PDE10A: variants seen among roughly 807,000 people sequenced by gnomAD.
The protein encoded by PDE10A is phosphodiesterase 10A, also known as cAMP and cAMP-inhibited cGMP 3',5'-cyclic phosphodiesterase 10A.
A neutral mutation model predicts 97.7 loss-of-function variants in PDE10A; 39 were observed. The ratio of observed to expected loss-of-function variants is 0.40; its 90% CI spans 0.31 to 0.52. The LOEUF (loss-of-function observed/expected upper bound fraction) is 0.52, where lower values mean the gene tolerates loss of function less well. Ranked by LOEUF, PDE10A falls within the 20% of genes least tolerant of loss-of-function variation. The pLI, the probability that PDE10A is intolerant of heterozygous loss-of-function variation, is 0.56. For synonymous variants in PDE10A, 371 were observed against 376.8 expected, an observed-to-expected ratio of 0.98 and a Z score of 0.18; for missense variants, 731 against 1,047.8, an observed-to-expected ratio of 0.70 and a Z score of 4.17.
chr6:165,715,109 G>A (rs913114603), intron 1 of PDE10A, among the ~76,000 whole-genome samples: 4 of 152,244 alleles, frequency 2.6e-5, no homozygotes, highest in African/African-American at 9.6e-5. Flanking sequence ...AACCCCCGAG[G>A]GACGCTGCAG....
intron 1 of PDE10A, among the ~76,000 whole-genome samples, chr6:165,777,898 C>T (rs935565086): frequency 2.0e-5 from 3 of 152,010 alleles, no homozygotes; most frequent in African/African-American, 7.3e-5. Context: ...CCCTAGAGGG[C>T]CTCCATCACT....
chr6:165,923,313 T>C (rs1782810128), intron 1 of PDE10A, among the ~76,000 whole-genome samples: 1 of 152,222 alleles, frequency 6.6e-6, no homozygotes, highest in Non-Finnish European at 1.5e-5. Context: ...GACAATTTCT[T>C]AAGACAAAAC....
intron 2 of PDE10A, among the ~76,000 whole-genome samples, chr6:165,488,952 C>T (rs1780074706): frequency 6.6e-6 from 1 of 152,118 alleles, no homozygotes; most frequent in African/African-American, 2.4e-5. Flanking sequence ...CAGACATGCC[C>T]AACCCTGCCT....
At chr6:165,448,709 A>AAC (rs10645551) in intron 5 of PDE10A, among the ~76,000 whole-genome samples, 5,259 of 147,404 alleles carry the variant, frequency 0.036, 125 homozygotes, top group Middle Eastern at 0.094. Context: ...AGCCAAAGGA[A>AAC]ACACACACAC....
chr6:165,910,725 G>A (rs1466853120), intron 1 of PDE10A: 2 of 152,162 alleles, frequency 1.3e-5, no homozygotes, highest in Non-Finnish European at 2.9e-5. Flanking sequence ...TCCAAAGTAT[G>A]TGAATAAAAT....
At chr6:165,455,047 C>T (rs912131900) in intron 3 of PDE10A, among the ~76,000 whole-genome samples, 2 of 152,136 alleles carry the variant, frequency 1.3e-5, no homozygotes, top group African/African-American at 4.8e-5. Context: ...AAGAGGTCGG[C>T]AGCCATTTGC....
At chr6:165,723,462 A>G (rs1262604701) in intron 1 of PDE10A, among the ~76,000 whole-genome samples, 2 of 152,200 alleles carry the variant, frequency 1.3e-5, no homozygotes, top group African/African-American at 2.4e-5. Context: ...CCTTGTTCAC[A>G]TGAAACCCGG....
intron 1 of PDE10A, among the ~76,000 whole-genome samples, chr6:165,546,417 T>G (rs1190977240): frequency 6.6e-6 from 1 of 152,074 alleles, no homozygotes; most frequent in Non-Finnish European, 1.5e-5. Context: ...CGTATGTAAA[T>G]TTTTAAAAAC....
At chr6:165,498,423 CAAAAAAAAAAAAAAAAAAAAAAAA>C (rs35069498) in intron 2 of PDE10A, among the ~76,000 whole-genome samples, 398 of 22,890 alleles carry the variant, frequency 0.017, 8 homozygotes, top group African/African-American at 0.043. Flanking sequence ...ACCCTGTCTC[CAAAAAAAAAAAAAAAAAAAAAAAA>C]AAAAAAAAAA....
At chr6:165,411,086 C>CAAAAAAAAAAAAA (rs71026688) in intron 13 of PDE10A, among the ~76,000 whole-genome samples, 1 of 43,086 alleles carries the variant, frequency 2.3e-5, no homozygotes, top group African/African-American at 1.2e-4. Context: ...GACTCCGCCT[C>CAAAAAAAAAAAAA]AAAAAAAAAA....
chr6:165,546,709 C>A (rs1783760208), intron 1 of PDE10A, among the ~76,000 whole-genome samples: 1 of 151,852 alleles, frequency 6.6e-6, no homozygotes, highest in Admixed American at 6.6e-5. Flanking sequence ...ATGGTGGGGA[C>A]AAGATTTCTC....
At chr6:165,941,996 A>T (rs995075086) in intron 1 of PDE10A, among the ~76,000 whole-genome samples, 1 of 152,150 alleles carries the variant, frequency 6.6e-6, no homozygotes, top group Non-Finnish European at 1.5e-5. Flanking sequence ...GGCTTCAGTC[A>T]TCGTTCCTAT....
At chr6:165,762,612 T>C (rs574240474) in intron 1 of PDE10A, among the ~76,000 whole-genome samples, 1 of 152,292 alleles carries the variant, frequency 6.6e-6, no homozygotes, top group Non-Finnish European at 1.5e-5. Flanking sequence ...ATAGAATAGA[T>C]CACCACAAAT....
At chr6:165,603,953 G>A (rs1248732657) in intron 1 of PDE10A, among the ~76,000 whole-genome samples, 1 of 152,160 alleles carries the variant, frequency 6.6e-6, no homozygotes, top group African/African-American at 2.4e-5. Context: ...ATTTCCACTT[G>A]TTTAAGTCAA....
At chr6:165,686,311 C>A (rs997302397) in intron 1 of PDE10A, among the ~76,000 whole-genome samples, 1 of 152,120 alleles carries the variant, frequency 6.6e-6, no homozygotes, top group African/African-American at 2.4e-5. Flanking sequence ...ATTGTGGGTG[C>A]CCAGGAAGTC....
chr6:165,373,564 C>CA (rs1009260982), intron 18 of PDE10A, among the ~76,000 whole-genome samples: 1 of 151,976 alleles, frequency 6.6e-6, no homozygotes, highest in Non-Finnish European at 1.5e-5. Flanking sequence ...TGGCAATCAT[C>CA]AAAAAGTCAG....
chr6:165,452,781 A>C (rs1401877846), intron 3 of PDE10A, among the ~76,000 whole-genome samples: 1 of 152,204 alleles, frequency 6.6e-6, no homozygotes, highest in Non-Finnish European at 1.5e-5. Context: ...ATATCTAAAA[A>C]TGTGGAAGCA....
intron 2 of PDE10A, among the ~76,000 whole-genome samples, chr6:165,491,870 C>A (rs1207121963): frequency 6.6e-6 from 1 of 151,294 alleles, no homozygotes; most frequent in East Asian, 1.9e-4. Flanking sequence ...CAGAGCAGAA[C>A]TAAATGAAAT....
At chr6:165,515,676 A>C (rs562433011) in intron 2 of PDE10A, among the ~76,000 whole-genome samples, 1 of 152,112 alleles carries the variant, frequency 6.6e-6, no homozygotes, top group South Asian at 2.1e-4. Flanking sequence ...GGCATGCGCC[A>C]TCATGCTTGG....
Sources: allele counts gnomAD v4.1 joint callset (sites outside exome capture counted in the v4.1 genomes callset), GRCh38; gene constraint gnomAD v4.1.1; transcripts MANE v1.5; gene names NCBI Gene and HGNC (gene_info 2026-07-23, HGNC 2026-07-21).